The following SCFD2 variants were observed in gnomAD, a reference collection of about 807,000 sequenced individuals.
The protein encoded by SCFD2 is sec1 family domain containing 2.
A neutral mutation model predicts 58.9 loss-of-function variants in SCFD2; 54 were observed. That is an observed-to-expected ratio of 0.92 (90% confidence interval 0.74 to 1.15). The LOEUF (loss-of-function observed/expected upper bound fraction) is 1.15, where lower values mean the gene tolerates loss of function less well. SCFD2 is among the 50% of genes most tolerant of loss of function. The pLI is 0.00. For synonymous variants in SCFD2, 321 were observed against 335.9 expected (o/e 0.96, Z 0.49); for missense variants, 805 against 836.6 (o/e 0.96, Z 0.47).
At chr4:53,159,811 C>T (rs1389861923) in intron 4 of SCFD2, among the ~76,000 whole-genome samples, 7 of 152,194 alleles carry the variant, frequency 4.6e-5, no homozygotes, top group Non-Finnish European at 1.0e-4. Flanking sequence ...CTGGGGCCTA[C>T]GACAGCTAGT....
chr4:53,251,294 T>G (rs1730367779), intron 4 of SCFD2, among the ~76,000 whole-genome samples: 1 of 152,118 alleles, frequency 6.6e-6, no homozygotes, highest in South Asian at 2.1e-4. Context: ...AGCCGAATTC[T>G]ACCAGAGGTA....
chr4:53,200,574 G>A (rs1272076844), intron 4 of SCFD2, among the ~76,000 whole-genome samples: 2 of 152,020 alleles, frequency 1.3e-5, no homozygotes, highest in Non-Finnish European at 2.9e-5. Flanking sequence ...TCTGTTTCTG[G>A]AAAGAACACT....
At chr4:53,019,520 C>A (rs1265594145) in intron 5 of SCFD2, among the ~76,000 whole-genome samples, 6 of 152,032 alleles carry the variant, frequency 3.9e-5, no homozygotes, top group African/African-American at 1.4e-4. Flanking sequence ...TACCATTGGC[C>A]TGATTATAAA....
At chr4:53,183,215 C>A (rs915793538) in intron 4 of SCFD2, among the ~76,000 whole-genome samples, 1 of 152,092 alleles carries the variant, frequency 6.6e-6, no homozygotes, top group African/African-American at 2.4e-5. Flanking sequence ...ATGTTTATAT[C>A]GGCACTATTC....
intron 5 of SCFD2, among the ~76,000 whole-genome samples, chr4:53,053,471 A>C (rs1723240050): frequency 6.6e-6 from 1 of 152,150 alleles, no homozygotes; most frequent in South Asian, 2.1e-4. Flanking sequence ...CCCTGCAGTG[A>C]TTCTATCACA....
chr4:52,902,193 C>G (rs1719220868), intron 7 of SCFD2, among the ~76,000 whole-genome samples: 3 of 152,218 alleles, frequency 2.0e-5, no homozygotes, highest in Admixed American at 2.0e-4. Context: ...GACCTCCATT[C>G]CTGTGAAACA....
intron 4 of SCFD2, among the ~76,000 whole-genome samples, chr4:53,173,359 C>A (rs544594255): frequency 6.6e-6 from 1 of 152,226 alleles, no homozygotes; most frequent in South Asian, 2.1e-4. Context: ...GTCAAAAAAT[C>A]ATAAGTCAAT....
chr4:53,050,115 T>G (rs1307940299), intron 5 of SCFD2, among the ~76,000 whole-genome samples: 2 of 152,202 alleles, frequency 1.3e-5, no homozygotes, highest in African/African-American at 4.8e-5. Flanking sequence ...AAGGAATTTC[T>G]TTCTCTAAAA....
At chr4:53,060,489 G>A (rs772043166) in intron 5 of SCFD2, among the ~76,000 whole-genome samples, 3 of 152,086 alleles carry the variant, frequency 2.0e-5, no homozygotes, top group Non-Finnish European at 2.9e-5. Flanking sequence ...CTCAAAGTGT[G>A]GTCTGGCTGT....
chr4:52,915,494 T>C (rs1034467703), intron 6 of SCFD2, among the ~76,000 whole-genome samples: 1 of 152,242 alleles, frequency 6.6e-6, no homozygotes, highest in Non-Finnish European at 1.5e-5. Context: ...TTTTATTTTT[T>C]GCTATAAGAT....
intron 2 of SCFD2, among the ~76,000 whole-genome samples, chr4:53,331,802 C>G (rs946964273): frequency 6.6e-6 from 1 of 152,122 alleles, no homozygotes; most frequent in African/African-American, 2.4e-5. Flanking sequence ...ATTAATGAAT[C>G]CAGGAGCTGG....
chr4:53,365,592 T>C lies in SCFD2; in HGVS notation c.350A>G (p.His117Arg), dbSNP rs1474649313. Residue 117 changes from histidine (H) to arginine (R), a missense_variant, in exon 1 of 9, where the codon CAT (histidine) becomes CGT (arginine). His to Arg is a conservative substitution (Grantham distance 29, BLOSUM62 0). Around this residue, in one of 3 missense-constraint regions of SCFD2, gnomAD observed 17 missense variants for 40.1 expected, o/e 0.42. Coordinates refer to ENST00000401642, the MANE Select transcript of SCFD2 (RefSeq NM_152540.4). The surrounding 1 kb of genome is among the most constrained non-coding windows in gnomAD (Gnocchi z 4.3). Reference sequence around the variant, plus strand: ...CTCGGCCGCTGCCGCCGCTGGGACATGATTAGCTGTGAGGTGGACAGCGTG... The same window carrying C: ...CTCGGCCGCTGCCGCCGCTGGGACACGATTAGCTGTGAGGTGGACAGCGTG... ...VSHAVHLTAN[H>R]VPAAAAAEME... The C allele has an allele frequency of 6.2e-7, 1 of 1,613,996 alleles. No homozygotes were observed. Among genetic ancestry groups the C allele is most frequent in the Non-Finnish European group, 8.5e-7 (1 of 1,180,012 alleles).
chr4:53,079,616 T>C lies in SCFD2; in HGVS notation c.1561+65717A>G, dbSNP rs569313810. ...GTAGGCAGAGGGAACTAGGAAGATATAGCACTGAGTTTATTGACTTCTTGT... is the reference window on the plus strand; with the variant it reads ...GTAGGCAGAGGGAACTAGGAAGATACAGCACTGAGTTTATTGACTTCTTGT... On this transcript the variant is annotated intron_variant, in intron 5 of 8. Coordinates refer to ENST00000401642, the MANE Select transcript of SCFD2 (RefSeq NM_152540.4). 9.8e-5 allele frequency among the ~76,000 whole-genome samples: 15 copies of C among 152,316 alleles called. No homozygotes were observed. The South Asian group carries it at 2.1e-3, about 21-fold the overall frequency.
chr4:53,119,953 T>C (rs1725432907), intron 5 of SCFD2, among the ~76,000 whole-genome samples: 1 of 152,146 alleles, frequency 6.6e-6, no homozygotes, highest in Admixed American at 6.6e-5. Flanking sequence ...TTACCTTCCC[T>C]CAAACAGGCC....
chr4:52,899,508 C>T (rs748725998), intron 7 of SCFD2, among the ~76,000 whole-genome samples: 6 of 152,180 alleles, frequency 3.9e-5, no homozygotes, highest in East Asian at 1.9e-4. Flanking sequence ...GGAGTTTCTG[C>T]GGAGAGATCT....
At chr4:53,078,533 C>T (rs941418097) in intron 5 of SCFD2, among the ~76,000 whole-genome samples, 2 of 152,148 alleles carry the variant, frequency 1.3e-5, no homozygotes, top group Non-Finnish European at 2.9e-5. Context: ...GTCTTACCTT[C>T]TATAAAAAAT....
intron 5 of SCFD2, among the ~76,000 whole-genome samples, chr4:52,934,053 T>C (rs1045757453): frequency 1.2e-4 from 18 of 152,212 alleles, no homozygotes; most frequent in Non-Finnish European, 1.8e-4. Flanking sequence ...TACACTTCTA[T>C]TGTTTATAAT....
At chr4:53,340,855 G>A (rs1326467647) in intron 2 of SCFD2, among the ~76,000 whole-genome samples, 1 of 152,208 alleles carries the variant, frequency 6.6e-6, no homozygotes, top group Non-Finnish European at 1.5e-5. Flanking sequence ...AACAGGGTCT[G>A]GAGTGGACCT....
chr4:53,252,118 T>C (rs1192189095), intron 4 of SCFD2, among the ~76,000 whole-genome samples: 1 of 147,236 alleles, frequency 6.8e-6, no homozygotes, highest in African/African-American at 2.5e-5. Context: ...AAATCATGAG[T>C]GAACTCCCAT....
Sources: allele counts gnomAD v4.1 joint callset (sites outside exome capture counted in the v4.1 genomes callset), GRCh38; gene constraint gnomAD v4.1.1; regional missense constraint gnomAD v4.1.1; non-coding constraint Gnocchi (gnomAD v3.1); transcripts MANE v1.5; gene names NCBI Gene and HGNC (gene_info 2026-07-23, HGNC 2026-07-21).